The following MYLK2 variants were observed in gnomAD, a reference collection of about 807,000 sequenced individuals.
MYLK2 encodes myosin light chain kinase 2.
Under a neutral mutation model 58.2 loss-of-function variants are expected in MYLK2, and 27 were observed. The observed-to-expected ratio is 0.46, with a 90% CI of 0.34 to 0.64. The LOEUF (loss-of-function observed/expected upper bound fraction) is 0.64. MYLK2 is among the 30% of genes least tolerant of loss of function. MYLK2 has a pLI of 0.01. For synonymous variants in MYLK2, 310 were observed against 296.7 expected, an observed-to-expected ratio of 1.04 and a Z score of -0.46; for missense variants, 676 against 764.3, an observed-to-expected ratio of 0.88 and a Z score of 1.36.
At chr20:31,831,226 G>A in intron 10 of MYLK2, 85 bp downstream of exon 10, 1 of 1,597,594 alleles carries the variant, frequency 6.3e-7, no homozygotes, top group Non-Finnish European at 8.6e-7. Flanking sequence ...TAGGGTCTTG[G>A]TAAGGTGGTC....
At chr20:31,824,153 C>T in intron 5 of MYLK2, 106 bp from the exon 6 acceptor site, 1 of 1,540,922 alleles carries the variant, frequency 6.5e-7, no homozygotes, top group Non-Finnish European at 8.7e-7. Flanking sequence ...CAAAGGGGAT[C>T]CAGAGGCACC....
chr20:31,832,252 T>C lies in MYLK2; in HGVS notation c.1710+116T>C, dbSNP rs2062310865. ...AGGTTCTGTTGACCAGGCTGGGCCCTGTCCGGAAGACAGGGTTGACTTTTC... is the reference window on the plus strand; with the variant it reads ...AGGTTCTGTTGACCAGGCTGGGCCCCGTCCGGAAGACAGGGTTGACTTTTC... On this transcript the variant is annotated intron_variant, in intron 12 of 12. Coordinates refer to ENST00000375985, the MANE Select transcript of MYLK2 (RefSeq NM_033118.4). The C allele has an allele frequency of 1.8e-5, 25 of 1,423,040 alleles. No homozygotes were observed. The Admixed American group carries it at 2.9e-4, about 17-fold the overall frequency. The allele number at this position is 1,423,040 out of a possible 1,614,324, so 88.2% of individuals were successfully genotyped here.
intron 10 of MYLK2, 120 bp downstream of exon 10, chr20:31,831,261 G>C: frequency 6.9e-7 from 1 of 1,440,850 alleles, no homozygotes. Flanking sequence ...CCTCAGTCAG[G>C]GGTTTGCTGG....
chr20:31,823,561 A>C lies in MYLK2; in HGVS notation c.857A>C (p.Asn286Thr). The change falls in exon 5 of 13, where the codon AAC (asparagine) becomes ACC (threonine). Residue 286 changes from asparagine to threonine, a missense_variant. Physicochemically the swap from Asn to Thr is moderately conservative, Grantham distance 65. Transcript: ENST00000375985. The stretch of plus-strand genomic sequence containing the variant: ...AATGTCAGCAGTGAATTCAGTATGA[A>C]CTCCAAGGAGGCGCTCGGAGGGTGA... ...TGNVSSEFSM[N>T]SKEALGGGKF... is the part of the protein sequence containing the mutation. 1 of 1,613,800 alleles carries C rather than the reference A, an allele frequency of 6.2e-7. No individual in the cohort carries two copies. Among genetic ancestry groups the C allele is most frequent in the Non-Finnish European group, 8.5e-7 (1 of 1,179,982 alleles).
At chr20:31,831,674 C>T (rs542097525) in intron 10 of MYLK2, 29 bp from the exon 11 acceptor site, 1 of 1,613,276 alleles carries the variant, frequency 6.2e-7, no homozygotes, top group East Asian at 2.2e-5. Context: ...AATCTCACCT[C>T]CCTGCCCCCT....
intron 4 of MYLK2, 141 bp from the exon 5 acceptor site, chr20:31,823,336 C>T: frequency 1.4e-6 from 1 of 730,664 alleles, no homozygotes; most frequent in Non-Finnish European, 2.3e-6. Context: ...TAGCCCCTAT[C>T]CTGGAGCCAG....
chr20:31,827,613 G>C (rs1399392714), intron 8 of MYLK2: 1 of 881,258 alleles, frequency 1.1e-6, no homozygotes, highest in African/African-American at 1.8e-5. Flanking sequence ...CCGCCTCCTG[G>C]GTTCAAGCGA....
rs925156882 is a variant in MYLK2, at chr20:31,826,113, C to T, written c.973-492C>T. Reference sequence around the variant, plus strand: ...GGGGTACTTTTGCTGCCAGGCAAGCCGAGAGCAACTCAATTGTGGGGAAGG... The same window carrying T: ...GGGGTACTTTTGCTGCCAGGCAAGCTGAGAGCAACTCAATTGTGGGGAAGG... On this transcript the variant is annotated intron_variant, in intron 6 of 12. Coordinates refer to ENST00000375985, the MANE Select transcript of MYLK2 (RefSeq NM_033118.4). 4.6e-5 allele frequency among the ~76,000 whole-genome samples: 7 copies of T among 152,024 alleles called. 1 individual carries two copies. The highest frequency in any genetic ancestry group is 6.6e-5 in the Admixed American group (1 of 15,254).
chr20:31,828,747 G>A (rs928501068), intron 8 of MYLK2: 2 of 983,690 alleles, frequency 2.0e-6, no homozygotes, highest in Admixed American at 6.1e-5. Context: ...GTCTGAGTGA[G>A]GGTGCCATCT....
chr20:31,824,540 A>G (rs1026406199), intron 6 of MYLK2, 188 bp downstream of exon 6: 4 of 985,464 alleles, frequency 4.1e-6, no homozygotes, highest in Non-Finnish European at 3.6e-6. Flanking sequence ...GACCCTACCC[A>G]TAACCAGATA....
rs1267538761 is a variant in MYLK2 at position 31,824,362 on chromosome 20, T to G, written c.972+10T>G. ...GACTCCCAAAGACAAGGTAGTGAGGTTGCGGGGGTGGTGGCTGCCCAGGAT... is the reference window on the plus strand; with the variant it reads ...GACTCCCAAAGACAAGGTAGTGAGGGTGCGGGGGTGGTGGCTGCCCAGGAT... On this transcript the variant is annotated intron_variant, in intron 6 of 12. Coordinates refer to ENST00000375985, the MANE Select transcript of MYLK2 (RefSeq NM_033118.4). 6.8e-6 allele frequency: 11 copies of G among 1,606,868 alleles called. No individual in the cohort carries two copies. Among genetic ancestry groups the G allele is most frequent in the Non-Finnish European group, 9.4e-6 (11 of 1,175,888 alleles).
At position 31,831,087 on chromosome 20, in the gene MYLK2, A is replaced by T. The variant is rs1343080513; in HGVS notation, c.1370A>T (p.Asp457Val). 2 of 1,614,030 alleles carry T rather than the reference A, an allele frequency of 1.2e-6. No homozygotes were observed. The highest frequency in any genetic ancestry group is 2.7e-5 in the African/African-American group (2 of 74,976). ...EFLSPEVVNYDQISDKTDMWS... is the reference protein window; with the variant it reads ...EFLSPEVVNYVQISDKTDMWS... ...CTGTCACCTGAGGTGGTGAATTATG[A>T]CCAAATCTCCGATAAGACAGACATG... Residue 457 changes from aspartate to valine, a missense_variant, in exon 10 of 13, where the codon GAC (aspartate) becomes GTC (valine). Around this residue, in one of 2 missense-constraint regions of MYLK2, gnomAD observed 370 missense variants for 467.8 expected, o/e 0.79. Transcript: ENST00000375985.
chr20:31,826,606 A>G lies in MYLK2; in HGVS notation c.974A>G (p.Glu325Gly). ...ACCCTTGACTTCCCTGGTCCCCAGGAAATGGTGTTGCTGGAGATTGAGGTC... is the reference window on the plus strand; with the variant it reads ...ACCCTTGACTTCCCTGGTCCCCAGGGAATGGTGTTGCTGGAGATTGAGGTC... ...VIKKQTPKDK[E>G]MVLLEIEVMN... The change falls in exon 7 of 13, where the codon GAA becomes GGA. Residue 325 changes from glutamate (E) to glycine (G), a missense_variant and splice_region_variant. Glu to Gly is a moderately conservative substitution (Grantham distance 98). Coordinates refer to ENST00000375985, the MANE Select transcript of MYLK2 (RefSeq NM_033118.4). 6.2e-7 allele frequency: 1 copy of G among 1,614,048 alleles called. No homozygotes were observed. Among genetic ancestry groups the G allele is most frequent in the Non-Finnish European group, 8.5e-7 (1 of 1,180,026 alleles).
intron 5 of MYLK2, 98 bp downstream of exon 5, chr20:31,823,680 C>T (rs2062263601): frequency 9.3e-6 from 11 of 1,187,810 alleles, no homozygotes; most frequent in Non-Finnish European, 1.1e-5. Context: ...ACACACACCC[C>T]GCTGAGACAT....
chr20:31,822,381 G>T (rs1341045061), intron 4 of MYLK2, among the ~76,000 whole-genome samples: 1 of 152,160 alleles, frequency 6.6e-6, no homozygotes, highest in Non-Finnish European at 1.5e-5. Context: ...GTGGGGTCGT[G>T]GGAGCTATAG....
intron 8 of MYLK2, among the ~76,000 whole-genome samples, chr20:31,829,387 A>G (rs2062294450): frequency 6.6e-6 from 1 of 150,610 alleles, no homozygotes; most frequent in South Asian, 2.1e-4. Flanking sequence ...CTGAAAGGAA[A>G]TTTGAGTCTG....
At chr20:31,829,981 G>A (rs2062297605) in intron 8 of MYLK2, among the ~76,000 whole-genome samples, 1 of 152,194 alleles carries the variant, frequency 6.6e-6, no homozygotes, top group African/African-American at 2.4e-5. Flanking sequence ...TCCCTGGCCT[G>A]GAAGAGCCAA....
chr20:31,823,607 C>T (rs898098736), intron 5 of MYLK2, 25 bp downstream of exon 5: 3 of 1,603,702 alleles, frequency 1.9e-6, no homozygotes, highest in African/African-American at 1.3e-5. Flanking sequence ...CCCAGCTGGG[C>T]ACTCATGGAC....
rs2062252373 is a variant in MYLK2 at position 31,821,584 on chromosome 20, G to C, written c.619G>C (p.Val207Leu). The part of the protein sequence containing the change: ...KNILAESQKE[V>L]GEKTPGQAGQ... ...CATCCTGGCAGAGAGCCAGAAGGAA[G>C]TGGGAGAGAAAACCCCAGGCCAGGC... is the stretch of plus-strand genomic sequence containing the variant. Residue 207 changes from valine (V) to leucine (L), a missense_variant, in exon 4 of 13, where the codon GTG becomes CTG. By Grantham distance (32) the Val-to-Leu change is conservative (BLOSUM62 1). Transcript: ENST00000375985. 1 of 1,614,012 alleles carries C rather than the reference G, an allele frequency of 6.2e-7. No individual in the cohort carries two copies. The highest frequency in any genetic ancestry group is 1.3e-5 in the African/African-American group (1 of 74,952).
Sources: allele counts gnomAD v4.1 joint callset (sites outside exome capture counted in the v4.1 genomes callset), GRCh38; gene constraint gnomAD v4.1.1; regional missense constraint gnomAD v4.1.1; transcripts MANE v1.5; gene names NCBI Gene and HGNC (gene_info 2026-07-23, HGNC 2026-07-21).